Variants in MBNL2 observed in about 807,000 individuals in gnomAD.
The protein encoded by MBNL2 is muscleblind like splicing regulator 2.
In MBNL2, 17 loss-of-function variants were observed where a neutral mutation model predicts 41.9. The observed-to-expected ratio is 0.41, with a 90% CI of 0.28 to 0.61. The LOEUF is 0.61. MBNL2 is among the 20% of genes least tolerant of loss of function. The probability of loss-of-function intolerance (pLI) is 0.35; values close to 1 mark genes in which losing one functional copy is unlikely to be tolerated. For missense variants in MBNL2, 336 were observed against 505.6 expected (o/e 0.66, Z 3.22); for synonymous variants, 195 against 182.9 (o/e 1.07, Z -0.53).
Position 97,366,089 on chromosome 13 carries a change from T to C in MBNL2, c.1048+918T>C, listed in dbSNP as rs149886938. 2.1e-3 allele frequency among the ~76,000 whole-genome samples: 317 copies of C among 152,324 alleles called. 2 individuals are homozygous for C. The highest frequency in any genetic ancestry group is 7.0e-3 in the African/African-American group (293 of 41,568). On this transcript the variant is annotated intron_variant, in intron 8 of 8. Transcript: ENST00000679496. This position sits in a 1 kb window ranked among gnomAD's most constrained non-coding sequence, Gnocchi z 4.7. Reference sequence around the variant, plus strand: ...AAAAGTGATGATCACATATTCTTACTTCACTGGACATCACCTTTCACAATT... The same window carrying C: ...AAAAGTGATGATCACATATTCTTACCTCACTGGACATCACCTTTCACAATT...
chr13:97,313,436 C>T (rs951228591), intron 2 of MBNL2, among the ~76,000 whole-genome samples: 2 of 152,164 alleles, frequency 1.3e-5, no homozygotes, highest in Admixed American at 1.3e-4. Context: ...TGGGACATCC[C>T]ATCAAATTTT....
At chr13:97,361,845 C>G (rs946492828) in intron 7 of MBNL2, among the ~76,000 whole-genome samples, 7 of 134,578 alleles carry the variant, frequency 5.2e-5, no homozygotes, top group Admixed American at 1.7e-4. Flanking sequence ...TCTTGGCTCA[C>G]TGCAACCTCC....
At chr13:97,223,569 C>T (rs1190907090) in intron 1 of MBNL2, among the ~76,000 whole-genome samples, 4 of 152,156 alleles carry the variant, frequency 2.6e-5, no homozygotes, top group Admixed American at 2.0e-4. Flanking sequence ...ACTTGCCTAA[C>T]CACCACCACC....
rs1195490243 is a variant in MBNL2, at chr13:97,392,683, AAAGT to A, written c.*1235_*1238del. ...AGCGATACAATTAAATTTTGTTCAG[AAAGT>A]TTGTTTTAAAGTTTATTTTAAGCAC... On this transcript the variant is annotated 3_prime_UTR_variant, in exon 9 of 9. Coordinates refer to ENST00000679496, the MANE Select transcript of MBNL2 (RefSeq NM_001382683.1). 6.6e-6 allele frequency: 1 copy of A among 152,426 alleles called. No homozygotes were observed. Among genetic ancestry groups the A allele is most frequent in the African/African-American group, 2.4e-5 (1 of 41,432 alleles). The allele number at this position is 152,426 out of a possible 1,614,324, so 9.4% of individuals were successfully genotyped here. A position where few individuals can be genotyped will look rare whatever the true frequency, so the allele number is the denominator to read the frequency against.
rs1214553985 is a variant in MBNL2 at position 97,393,751 on chromosome 13, C to G, written c.*2302C>G. 1.3e-5 allele frequency: 2 copies of G among 152,262 alleles called. No homozygotes were observed. The highest frequency in any genetic ancestry group is 2.9e-5 in the Non-Finnish European group (2 of 67,922). The allele number at this position is 152,262 out of a possible 1,614,324, so 9.4% of individuals were successfully genotyped here. ...TATTTGCCAAAAGTTTGTTTATATT[C>G]AGAAGTCTGACTATGATGAATAAAT... On this transcript the variant is annotated 3_prime_UTR_variant, in exon 9 of 9. Transcript: ENST00000679496.
chr13:97,170,508 G>A, the MBNL2 span, among the ~76,000 whole-genome samples: 2,172 of 152,214 alleles, frequency 0.014, 50 homozygotes, highest in African/African-American at 0.049. Flanking sequence ...TGGAAAGCTC[G>A]TAGGTTAGGG....
intron 8 of MBNL2, among the ~76,000 whole-genome samples, chr13:97,380,945 G>A (rs542712132): frequency 5.3e-5 from 8 of 152,226 alleles, no homozygotes; most frequent in African/African-American, 9.6e-5. Flanking sequence ...ACTAAGGCTC[G>A]AAAGGGCACA....
the MBNL2 span, among the ~76,000 whole-genome samples, chr13:97,204,501 A>G: frequency 6.6e-6 from 1 of 152,246 alleles, no homozygotes; most frequent in Non-Finnish European, 1.5e-5. Flanking sequence ...TACCTATATC[A>G]GGAACTCCTA....
the MBNL2 span, among the ~76,000 whole-genome samples, chr13:97,194,254 T>C: frequency 1.3e-5 from 2 of 152,230 alleles, no homozygotes; most frequent in African/African-American, 2.4e-5. Flanking sequence ...GAATATAAGT[T>C]CCACAAGGAG....
the MBNL2 span, among the ~76,000 whole-genome samples, chr13:97,213,920 C>T: frequency 1.3e-5 from 2 of 152,174 alleles, no homozygotes; most frequent in Non-Finnish European, 2.9e-5. Context: ...TATGCTTCAT[C>T]TATTCCCCAC....
intron 8 of MBNL2, among the ~76,000 whole-genome samples, chr13:97,386,597 T>C (rs2065941115): frequency 1.3e-5 from 2 of 152,210 alleles, no homozygotes; most frequent in Admixed American, 1.3e-4. Context: ...TGTGAGTCAA[T>C]GGCAGGCAAT....
the MBNL2 span, among the ~76,000 whole-genome samples, chr13:97,178,932 A>G: frequency 6.6e-6 from 1 of 152,228 alleles, no homozygotes; most frequent in East Asian, 1.9e-4. Flanking sequence ...ACAATGGTAT[A>G]TATCAAAATA....
chr13:97,233,429 G>T (rs904377872), intron 1 of MBNL2, among the ~76,000 whole-genome samples: 7 of 147,278 alleles, frequency 4.8e-5, no homozygotes, highest in Admixed American at 1.4e-4. Context: ...CTAGCCCATG[G>T]TCTCTTTTCT....
the MBNL2 span, among the ~76,000 whole-genome samples, chr13:97,151,539 G>A: frequency 6.6e-6 from 1 of 152,184 alleles, no homozygotes; most frequent in African/African-American, 2.4e-5. Flanking sequence ...ATTGCCAATT[G>A]CAGTGGTGTA....
intron 5 of MBNL2, among the ~76,000 whole-genome samples, chr13:97,355,946 C>G (rs530925327): frequency 1.3e-5 from 2 of 152,202 alleles, no homozygotes; most frequent in African/African-American, 4.8e-5. Context: ...AGGTTATTTT[C>G]TTAGTATAAT....
intron 5 of MBNL2, among the ~76,000 whole-genome samples, chr13:97,354,511 CCA>C (rs1427414765): frequency 6.6e-6 from 1 of 152,028 alleles, no homozygotes; most frequent in Non-Finnish European, 1.5e-5. Flanking sequence ...AAAACTCCCA[CCA>C]CAGAGTGGTA....
intron 2 of MBNL2, among the ~76,000 whole-genome samples, chr13:97,299,032 A>G (rs2057345952): frequency 6.6e-6 from 1 of 152,176 alleles, no homozygotes; most frequent in Admixed American, 6.5e-5. Flanking sequence ...TGGTTTGGGA[A>G]GAAGTCAGAA....
intron 2 of MBNL2, among the ~76,000 whole-genome samples, chr13:97,298,158 C>A (rs549225955): frequency 8.1e-4 from 122 of 151,028 alleles, no homozygotes; most frequent in African/African-American, 2.8e-3. Flanking sequence ...GCACATGTAC[C>A]CTAAAACTTG....
intron 8 of MBNL2, among the ~76,000 whole-genome samples, chr13:97,365,716 C>G (rs1014533812): frequency 4.6e-5 from 7 of 152,158 alleles, no homozygotes; most frequent in Non-Finnish European, 7.3e-5. Context: ...TCAGCATTCC[C>G]TTAGCCGTTC....
Sources: gnomAD v4.1 joint callset for allele counts (sites outside exome capture counted in the v4.1 genomes callset) on GRCh38, gnomAD v4.1.1 for gene constraint, Gnocchi (gnomAD v3.1) non-coding constraint, MANE v1.5 for transcripts, NCBI Gene and HGNC (gene_info 2026-07-23, HGNC 2026-07-21) for gene names.